The following DENND5B variants were observed in gnomAD, a reference collection of about 807,000 sequenced individuals.
DENND5B encodes DENN domain-containing protein 5B.
DENND5B carries 34 observed loss-of-function variants against 140.6 expected under a neutral mutation model. The observed-to-expected ratio is 0.24, with a 90% CI of 0.18 to 0.32. The LOEUF (loss-of-function observed/expected upper bound fraction) is 0.32, where lower values mean the gene tolerates loss of function less well. Among genes scored for constraint, DENND5B ranks in the 10% least tolerant of loss-of-function variants. DENND5B has a pLI of 1.00. For missense variants in DENND5B, 1,142 were observed against 1,560.2 expected (o/e 0.73, Z 4.52); for synonymous variants, 551 against 562.1 (o/e 0.98, Z 0.28).
chr12:31,470,743 A>G (rs565458034), intron 3 of DENND5B, among the ~76,000 whole-genome samples: 1 of 152,200 alleles, frequency 6.6e-6, no homozygotes, highest in East Asian at 1.9e-4. Flanking sequence ...TGGTATCACA[A>G]ATTGACAGGT....
At chr12:31,574,295 A>AATCATAATAATT (rs374578025) in intron 1 of DENND5B, among the ~76,000 whole-genome samples, 1 of 144,576 alleles carries the variant, frequency 6.9e-6, no homozygotes, top group Non-Finnish European at 1.5e-5. Flanking sequence ...TAATAATAAT[A>AATCATAATAATT]ATTTAAAAGG....
intron 13 of DENND5B, among the ~76,000 whole-genome samples, chr12:31,411,653 T>C (rs941282878): frequency 3.3e-5 from 5 of 151,944 alleles, no homozygotes; most frequent in African/African-American, 9.7e-5. Context: ...AATAACTTTT[T>C]GTAATTGGAA....
chr12:31,532,171 G>T (rs1948311317), intron 1 of DENND5B, among the ~76,000 whole-genome samples: 2 of 152,178 alleles, frequency 1.3e-5, no homozygotes, highest in South Asian at 4.1e-4. Context: ...AAATAAAGGG[G>T]TGGCATGGAG....
chr12:31,493,448 C>T (rs1029610244), intron 2 of DENND5B, among the ~76,000 whole-genome samples: 1 of 152,138 alleles, frequency 6.6e-6, no homozygotes, highest in Non-Finnish European at 1.5e-5. Flanking sequence ...AATCCCAGCA[C>T]TTTGGGAGGC....
chr12:31,445,844 C>CA (rs1456229511), intron 6 of DENND5B, among the ~76,000 whole-genome samples: 3 of 151,672 alleles, frequency 2.0e-5, no homozygotes, highest in Non-Finnish European at 4.4e-5. Context: ...CCTGTCTCTA[C>CA]AAAAAATACA....
chr12:31,450,893 GA>G (rs1397513571), intron 5 of DENND5B, among the ~76,000 whole-genome samples: 2 of 151,964 alleles, frequency 1.3e-5, no homozygotes, highest in Admixed American at 1.3e-4. Context: ...GCATCTGTCT[GA>G]AAAATAAAAT....
intron 1 of DENND5B, among the ~76,000 whole-genome samples, chr12:31,542,676 T>C (rs940937049): frequency 5.3e-5 from 8 of 152,122 alleles, no homozygotes; most frequent in Non-Finnish European, 7.4e-5. Context: ...TAAAAATGGG[T>C]AGGGCACGGT....
At chr12:31,559,223 A>T (rs1231201813) in intron 1 of DENND5B, among the ~76,000 whole-genome samples, 1 of 152,214 alleles carries the variant, frequency 6.6e-6, no homozygotes, top group Non-Finnish European at 1.5e-5. Flanking sequence ...CTCATGGCAA[A>T]TTAAGCTACC....
chr12:31,409,294 A>G lies in DENND5B; in HGVS notation c.2772T>C (p.Tyr924=), dbSNP rs1690899081. 1.3e-6 allele frequency: 2 copies of G among 1,572,308 alleles called. No individual in the cohort carries two copies. Among genetic ancestry groups the G allele is most frequent in the Non-Finnish European group, 1.7e-6 (2 of 1,157,766 alleles). Residue 924 remains tyrosine (Y), a synonymous_variant, in exon 14 of 21, where the codon TAT becomes TAC. Transcript: ENST00000389082. ...TGGTGAACACACTGGTGAAGCAGAA[A>G]TAGTCCACAGCATTGAGAGAAAGAA... ...YHLLSLNAVD[Y]FCFTSVFTTI...
At chr12:31,486,197 A>G (rs1265309713) in intron 2 of DENND5B, among the ~76,000 whole-genome samples, 1 of 152,174 alleles carries the variant, frequency 6.6e-6, no homozygotes, top group East Asian at 1.9e-4. Context: ...CTCTGCCCTC[A>G]TGAAAGGATT....
intron 1 of DENND5B, among the ~76,000 whole-genome samples, chr12:31,558,404 A>G (rs1286490072): frequency 6.6e-6 from 1 of 152,216 alleles, no homozygotes; most frequent in Non-Finnish European, 1.5e-5. Context: ...GCACAATAAG[A>G]GAAATGGTTC....
intron 3 of DENND5B, chr12:31,477,523 G>A (rs1591875016): frequency 6.6e-6 from 1 of 152,590 alleles, no homozygotes; most frequent in Non-Finnish European, 1.5e-5. Context: ...GGACTTTGCT[G>A]TCAGTAGCTC....
chr12:31,410,866 T>C (rs1424910820), intron 13 of DENND5B, among the ~76,000 whole-genome samples: 1 of 152,160 alleles, frequency 6.6e-6, no homozygotes, highest in African/African-American at 2.4e-5. Context: ...GGTACACTGT[T>C]AAGCTAATAA....
intron 1 of DENND5B, among the ~76,000 whole-genome samples, chr12:31,574,195 C>G (rs924438631): frequency 6.6e-6 from 1 of 150,464 alleles, no homozygotes; most frequent in East Asian, 2.0e-4. Context: ...CCCGGGAGAT[C>G]GAGGCTGCAG....
At chr12:31,519,579 A>G (rs1947800650) in intron 1 of DENND5B, among the ~76,000 whole-genome samples, 1 of 152,304 alleles carries the variant, frequency 6.6e-6, no homozygotes, top group African/African-American at 2.4e-5. Flanking sequence ...ACAAGTACTC[A>G]CAAAAGAAGG....
Position 31,385,906 on chromosome 12 carries a change from G to A in DENND5B, c.*1697C>T, listed in dbSNP as rs138888412. 1.7e-4 allele frequency: 26 copies of A among 152,416 alleles called. No individual in the cohort carries two copies. The East Asian group carries it at 5.0e-3, about 29-fold the overall frequency. The allele number at this position is 152,416 out of a possible 1,614,324, so 9.4% of individuals were successfully genotyped here. A position where few individuals can be genotyped will look rare whatever the true frequency, so the allele number is the denominator to read the frequency against. On this transcript the variant is annotated 3_prime_UTR_variant, in exon 21 of 21. Transcript: ENST00000389082. ...TTAGCCAGGAGGGTCTCAATCTCCT[G>A]ACCTTGTGATCCGCCTGCCTCGGCC... is the stretch of plus-strand genomic sequence containing the variant.
chr12:31,567,742 T>C (rs1949680325), intron 1 of DENND5B, among the ~76,000 whole-genome samples: 1 of 150,510 alleles, frequency 6.6e-6, no homozygotes, highest in Admixed American at 6.6e-5. Flanking sequence ...GCCCAGGAGA[T>C]TAAGGCTGCA....
chr12:31,442,541 T>C (rs1011891571), intron 7 of DENND5B, among the ~76,000 whole-genome samples: 4 of 151,320 alleles, frequency 2.6e-5, no homozygotes, highest in African/African-American at 9.7e-5. Flanking sequence ...GTACTTTGCT[T>C]GAAAAAGAAA....
chr12:31,506,599 TG>T (rs1947212325), intron 1 of DENND5B, among the ~76,000 whole-genome samples: 1 of 152,212 alleles, frequency 6.6e-6, no homozygotes, highest in African/African-American at 2.4e-5. Flanking sequence ...AGCCACACTT[TG>T]GAAGTCCCAG....
Sources: gnomAD v4.1 joint callset for allele counts (sites outside exome capture counted in the v4.1 genomes callset) on GRCh38, gnomAD v4.1.1 for gene constraint, MANE v1.5 for transcripts, NCBI Gene and HGNC (gene_info 2026-07-23, HGNC 2026-07-21) for gene names.